The following ADGRL3 variants were observed in gnomAD, a reference collection of about 807,000 sequenced individuals.
The protein encoded by ADGRL3 is adhesion G protein-coupled receptor L3.
In ADGRL3, 62 loss-of-function variants were observed where a neutral mutation model predicts 153.5. The ratio of observed to expected loss-of-function variants is 0.40; its 90% CI spans 0.33 to 0.50. The LOEUF is 0.50. ADGRL3 is among the 20% of genes least tolerant of loss of function. ADGRL3 has a pLI of 0.47. For missense variants in ADGRL3, 1,641 were observed against 1,859.4 expected (o/e 0.88, Z 2.16); for synonymous variants, 710 against 672.5 (o/e 1.06, Z -0.86).
intron 8 of ADGRL3, among the ~76,000 whole-genome samples, chr4:61,809,909 CT>C (rs1389921580): frequency 1.3e-5 from 2 of 152,032 alleles, no homozygotes; most frequent in African/African-American, 2.4e-5. Flanking sequence ...TCAGAATGCC[CT>C]TATGAGGTCA....
At chr4:61,253,328 G>C (rs565263031) in intron 1 of ADGRL3, among the ~76,000 whole-genome samples, 1 of 152,082 alleles carries the variant, frequency 6.6e-6, no homozygotes, top group South Asian at 2.1e-4. Context: ...TTTATTATTT[G>C]GTAATTTACT....
At chr4:61,955,562 A>AATT (rs1039521992) in intron 17 of ADGRL3, among the ~76,000 whole-genome samples, 1 of 151,964 alleles carries the variant, frequency 6.6e-6, no homozygotes, top group African/African-American at 2.4e-5. Context: ...AACACCTCTC[A>AATT]ATTATTATTA....
intron 1 of ADGRL3, among the ~76,000 whole-genome samples, chr4:61,352,624 A>T (rs2096072955): frequency 6.6e-6 from 1 of 152,106 alleles, no homozygotes; most frequent in Non-Finnish European, 1.5e-5. Flanking sequence ...ACCTCAGGTG[A>T]TCCACCCGCC....
intron 1 of ADGRL3, among the ~76,000 whole-genome samples, chr4:61,381,012 G>A (rs1354509455): frequency 1.3e-5 from 2 of 151,502 alleles, no homozygotes; most frequent in Admixed American, 6.6e-5. Flanking sequence ...CTCACACCTG[G>A]TTGCCTTCTC....
At chr4:61,443,236 C>T (rs949011171) in intron 2 of ADGRL3, among the ~76,000 whole-genome samples, 5 of 152,102 alleles carry the variant, frequency 3.3e-5, no homozygotes. Flanking sequence ...ACATACATAG[C>T]TATGTTCTTT....
intron 2 of ADGRL3, among the ~76,000 whole-genome samples, chr4:61,394,487 A>C (rs1212724743): frequency 6.6e-6 from 1 of 152,044 alleles, no homozygotes; most frequent in Non-Finnish European, 1.5e-5. Context: ...CTTTTACACA[A>C]ACCATTGAAA....
Position 61,456,143 on chromosome 4 carries a change from A to G in ADGRL3, c.-173-40978A>G, listed in dbSNP as rs541453672. Among the ~76,000 whole-genome samples, 3 of 151,804 alleles carry G rather than the reference A, an allele frequency of 2.0e-5. No individual in the cohort carries two copies. The South Asian group carries it at 6.2e-4, about 31-fold the overall frequency. The stretch of plus-strand genomic sequence containing the variant: ...TTAAGAAATACATTCTTTTTACACT[A>G]TTGAGCTGTGTGAAATTATGAAGCC... On this transcript the variant is annotated intron_variant, in intron 2 of 26. Transcript: ENST00000683033.
chr4:61,684,125 C>T (rs916080275), intron 6 of ADGRL3, among the ~76,000 whole-genome samples: 2 of 152,130 alleles, frequency 1.3e-5, no homozygotes, highest in African/African-American at 4.8e-5. Context: ...TTGGACTTCC[C>T]TGTATGCTAT....
chr4:61,975,400 A>G lies in ADGRL3; in HGVS notation c.2806-4163A>G, dbSNP rs114250396. Among the ~76,000 whole-genome samples the G allele has an allele frequency of 2.8e-3, 429 of 152,314 alleles. 1 individual carries two copies. Among genetic ancestry groups the G allele is most frequent in the African/African-American group, 9.9e-3 (413 of 41,562 alleles). Reference sequence around the variant, plus strand: ...AGACCATGGGCTGGAATATCTCTCAACCATTCAAAGAACAGAGCAGGTCAA... The same window carrying G: ...AGACCATGGGCTGGAATATCTCTCAGCCATTCAAAGAACAGAGCAGGTCAA... On this transcript the variant is annotated intron_variant, in intron 17 of 26. Transcript: ENST00000683033.
intron 1 of ADGRL3, among the ~76,000 whole-genome samples, chr4:61,229,447 G>A (rs1215272104): frequency 6.6e-6 from 1 of 151,844 alleles, no homozygotes; most frequent in African/African-American, 2.4e-5. Flanking sequence ...TTTAATTTGG[G>A]GCTAGCAAGG....
intron 2 of ADGRL3, among the ~76,000 whole-genome samples, chr4:61,432,586 C>CTT (rs375051807): frequency 0.31 from 3,092 of 9,994 alleles, 371 homozygotes; most frequent in Middle Eastern, 0.52. Context: ...TTCTTTCTTT[C>CTT]TTTCTTTCTT....
chr4:61,482,307 G>A (rs2098139515), intron 2 of ADGRL3, among the ~76,000 whole-genome samples: 1 of 152,136 alleles, frequency 6.6e-6, no homozygotes, highest in South Asian at 2.1e-4. Flanking sequence ...GAAATTTTGA[G>A]AAGATTTAAG....
intron 8 of ADGRL3, among the ~76,000 whole-genome samples, chr4:61,752,488 A>T (rs183278217): frequency 1.6e-3 from 233 of 149,288 alleles, no homozygotes; most frequent in African/African-American, 5.6e-3. Flanking sequence ...GTTCATTCAG[A>T]TTTCTCTGTG....
At position 61,733,271 on chromosome 4, in the gene ADGRL3, A is replaced by G. The variant is rs759491696; in HGVS notation, c.1116A>G (p.Ala372=). Residue 372 remains alanine (A), a synonymous_variant, in exon 8 of 27, where the codon GCA becomes GCG. Coordinates refer to ENST00000683033, the MANE Select transcript of ADGRL3 (RefSeq NM_001387552.1). ...GGATCGAAGGAACATGGGATACTGCATATGATAAAAGGTCAGCTTCCAATG... is the reference window on the plus strand; with the variant it reads ...GGATCGAAGGAACATGGGATACTGCGTATGATAAAAGGTCAGCTTCCAATG... ...TLRIEGTWDT[A]YDKRSASNAF... is the part of the protein sequence containing the mutation. The G allele has an allele frequency of 1.2e-6, 2 of 1,613,850 alleles. No individual in the cohort carries two copies. Among genetic ancestry groups the G allele is most frequent in the Non-Finnish European group, 1.7e-6 (2 of 1,179,846 alleles).
chr4:61,417,509 A>AG (rs1406070524), intron 2 of ADGRL3, among the ~76,000 whole-genome samples: 2 of 151,922 alleles, frequency 1.3e-5, no homozygotes, highest in Non-Finnish European at 2.9e-5. Flanking sequence ...ACGAAAAAAA[A>AG]CAAACATCAA....
At chr4:61,698,045 T>G (rs1194166871) in intron 6 of ADGRL3, among the ~76,000 whole-genome samples, 1 of 152,148 alleles carries the variant, frequency 6.6e-6, no homozygotes, top group Non-Finnish European at 1.5e-5. Context: ...AGAATGTAAC[T>G]CATTCTCTGT....
intron 4 of ADGRL3, among the ~76,000 whole-genome samples, chr4:61,519,189 T>A (rs1450578006): frequency 2.0e-5 from 3 of 152,188 alleles, no homozygotes; most frequent in African/African-American, 7.2e-5. Context: ...TCAATTAGAA[T>A]CATTGTTTCT....
At chr4:61,952,801 T>C (rs965353838) in intron 17 of ADGRL3, among the ~76,000 whole-genome samples, 4 of 152,060 alleles carry the variant, frequency 2.6e-5, no homozygotes, top group Admixed American at 6.6e-5. Flanking sequence ...GAAAAACGAA[T>C]CAAATTTGAG....
chr4:61,757,864 T>C (rs1454398578), intron 8 of ADGRL3, among the ~76,000 whole-genome samples: 1 of 152,236 alleles, frequency 6.6e-6, no homozygotes, highest in Non-Finnish European at 1.5e-5. Context: ...ATTTCTGCCT[T>C]CATTTCGTTA....
Sources: allele counts gnomAD v4.1 joint callset (sites outside exome capture counted in the v4.1 genomes callset), GRCh38; gene constraint gnomAD v4.1.1; transcripts MANE v1.5; gene names NCBI Gene and HGNC (gene_info 2026-07-23, HGNC 2026-07-21).